The following GCNT1 variants were observed in gnomAD, a reference collection of about 807,000 sequenced individuals.
The protein encoded by GCNT1 is glucosaminyl (N-acetyl) transferase 1.
GCNT1 carries 16 observed loss-of-function variants against 26.2 expected under a neutral mutation model. The observed-to-expected ratio is 0.61, with a 90% CI of 0.41 to 0.93. The LOEUF is 0.93. Among genes scored for constraint, GCNT1 ranks in the 40% least tolerant of loss-of-function variants. The probability of loss-of-function intolerance (pLI) is 0.00; values close to 1 mark genes in which losing one functional copy is unlikely to be tolerated. For missense variants in GCNT1, 477 were observed against 526.7 expected (o/e 0.91, Z 0.92); for synonymous variants, 183 against 190.8 (o/e 0.96, Z 0.34).
the GCNT1 span, among the ~76,000 whole-genome samples, chr9:76,405,177 C>T: frequency 6.6e-6 from 1 of 152,100 alleles, no homozygotes; most frequent in Non-Finnish European, 1.5e-5. Flanking sequence ...AGCTAGTGAG[C>T]TCTGTTTTGC....
upstream of GCNT1, among the ~76,000 whole-genome samples, chr9:76,440,085 C>T (rs959207960): frequency 3.4e-5 from 5 of 147,544 alleles, no homozygotes; most frequent in East Asian, 3.9e-4. Context: ...TGGGCAAGAG[C>T]GAAATTCCGT....
the GCNT1 span, among the ~76,000 whole-genome samples, chr9:76,398,065 A>T: frequency 2.0e-5 from 3 of 152,124 alleles, no homozygotes; most frequent in African/African-American, 7.2e-5. Flanking sequence ...CCCCCTCTGA[A>T]CTGCACTTGC....
chr9:76,428,080 T>G (rs139665993), intron 1 of GCNT1, among the ~76,000 whole-genome samples: 1 of 151,712 alleles, frequency 6.6e-6, no homozygotes, highest in African/African-American at 2.4e-5. Flanking sequence ...TCCTGGCTAA[T>G]ACGGTGAAAC....
the GCNT1 span, among the ~76,000 whole-genome samples, chr9:76,409,392 T>C: frequency 6.6e-6 from 1 of 152,186 alleles, no homozygotes; most frequent in Admixed American, 6.5e-5. Context: ...AAACTGCATC[T>C]GGTTTCATTT....
chr9:76,480,646 T>G (rs531750527), intron 2 of GCNT1, among the ~76,000 whole-genome samples: 1 of 152,174 alleles, frequency 6.6e-6, no homozygotes, highest in Non-Finnish European at 1.5e-5. Context: ...GGAAAGAGGA[T>G]GCTTTTTCTT....
At chr9:76,456,378 C>T (rs1453811646), upstream of GCNT1, among the ~76,000 whole-genome samples, 1 of 152,150 alleles carries the variant, frequency 6.6e-6, no homozygotes, top group South Asian at 2.1e-4. Flanking sequence ...TGGGTACCGC[C>T]CCCTCCTTTG....
upstream of GCNT1, among the ~76,000 whole-genome samples, chr9:76,440,473 G>A (rs1031137374): frequency 1.3e-5 from 2 of 152,152 alleles, no homozygotes; most frequent in African/African-American, 4.8e-5. Context: ...GGTTACAGTG[G>A]TACCATGTTT....
the GCNT1 span, among the ~76,000 whole-genome samples, chr9:76,401,973 G>A: frequency 6.6e-6 from 1 of 152,220 alleles, no homozygotes; most frequent in African/African-American, 2.4e-5. Flanking sequence ...CTCTGGAGGT[G>A]GCAAATTGTG....
At chr9:76,487,339 A>G (rs1039234965) in intron 2 of GCNT1, among the ~76,000 whole-genome samples, 1 of 152,096 alleles carries the variant, frequency 6.6e-6, no homozygotes, top group Admixed American at 6.5e-5. Context: ...ATTTTGCTCC[A>G]GTCACAGCAG....
upstream of GCNT1, among the ~76,000 whole-genome samples, chr9:76,455,599 CTTAT>C (rs959414447): frequency 1.8e-4 from 28 of 151,798 alleles, no homozygotes; most frequent in Admixed American, 1.0e-3. Context: ...TTAATTTATT[CTTAT>C]TTATTTATCT....
chr9:76,498,884 A>G (rs1225567162), intron 2 of GCNT1, among the ~76,000 whole-genome samples: 1 of 152,034 alleles, frequency 6.6e-6, no homozygotes, highest in Non-Finnish European at 1.5e-5. Flanking sequence ...ATGGGAAGAG[A>G]GTTACAAAGA....
At chr9:76,455,210 G>A (rs1564229316), upstream of GCNT1, among the ~76,000 whole-genome samples, 1 of 152,096 alleles carries the variant, frequency 6.6e-6, no homozygotes. Flanking sequence ...TGTGAAAGCA[G>A]ACTAATACAG....
rs1825224695 is a variant in GCNT1 at position 76,505,884 on chromosome 9, C to G, written c.*2216C>G. On this transcript the variant is annotated 3_prime_UTR_variant, in exon 4 of 4. Transcript: ENST00000376730. ...ACATAGGATTTTAGAGTCTATTTCC[C>G]CAAGCGCCACATTATAACTGTAAAC... 1 of 165,828 alleles carries G rather than the reference C, an allele frequency of 6.0e-6. No individual in the cohort carries two copies. Among genetic ancestry groups the G allele is most frequent in the African/African-American group, 2.4e-5 (1 of 41,412 alleles). The allele number at this position is 165,828 out of a possible 1,614,324, so 10.3% of individuals were successfully genotyped here.
At chr9:76,403,476 T>G in the GCNT1 span, among the ~76,000 whole-genome samples, 1 of 152,242 alleles carries the variant, frequency 6.6e-6, no homozygotes, top group African/African-American at 2.4e-5. Flanking sequence ...ATCCACAAGA[T>G]GGCATATTAA....
the GCNT1 span, among the ~76,000 whole-genome samples, chr9:76,408,790 C>G: frequency 1.3e-5 from 2 of 152,008 alleles, no homozygotes; most frequent in African/African-American, 2.4e-5. Flanking sequence ...CAGGTTCAAG[C>G]AATTCTCCTG....
intron 2 of GCNT1, among the ~76,000 whole-genome samples, chr9:76,489,550 G>A (rs1244219201): frequency 1.3e-5 from 2 of 152,104 alleles, no homozygotes; most frequent in African/African-American, 2.4e-5. Context: ...TGATTGGTCC[G>A]TTTTACAGAA....
At chr9:76,408,009 A>C in the GCNT1 span, among the ~76,000 whole-genome samples, 1 of 152,194 alleles carries the variant, frequency 6.6e-6, no homozygotes, top group Non-Finnish European at 1.5e-5. Context: ...TATTAGTTCC[A>C]GGAATCTTTT....
chr9:76,426,789 C>T (rs757448091), intron 1 of GCNT1, among the ~76,000 whole-genome samples: 1 of 151,864 alleles, frequency 6.6e-6, no homozygotes, highest in Non-Finnish European at 1.5e-5. Context: ...CCCAGCTACT[C>T]GGGGGTGGCA....
At chr9:76,499,316 T>C (rs513301) in intron 2 of GCNT1, among the ~76,000 whole-genome samples, 124,123 of 151,910 alleles carry the variant, frequency 0.82, 51,284 homozygotes, top group African/African-American at 0.93. Context: ...TTAGTAGAGA[T>C]GGGGTTTCAC....
Sources: allele counts gnomAD v4.1 joint callset (sites outside exome capture counted in the v4.1 genomes callset), GRCh38; gene constraint gnomAD v4.1.1; transcripts MANE v1.5; gene names NCBI Gene and HGNC (gene_info 2026-07-23, HGNC 2026-07-21).